MYO1H: variants seen among roughly 807,000 people sequenced by gnomAD.
The protein encoded by MYO1H is unconventional myosin-Ih.
In MYO1H, 118 loss-of-function variants were observed where a neutral mutation model predicts 149.3. That is an observed-to-expected ratio of 0.79 (90% confidence interval 0.68 to 0.92). The LOEUF is 0.92. MYO1H is among the 40% of genes least tolerant of loss of function. The probability of loss-of-function intolerance (pLI) is 0.00; values close to 1 mark genes in which losing one functional copy is unlikely to be tolerated. For missense variants in MYO1H, 1,212 were observed against 1,280.7 expected (o/e 0.95, Z 0.82); for synonymous variants, 447 against 465.2 (o/e 0.96, Z 0.50).
chr12:109,442,612 G>A (rs980847760), intron 27 of MYO1H, among the ~76,000 whole-genome samples: 7 of 152,138 alleles, frequency 4.6e-5, no homozygotes, highest in Non-Finnish European at 8.8e-5. Context: ...CACTTGCTTT[G>A]AACGTAGCAG....
chr12:109,441,058 G>A (rs889579635), intron 25 of MYO1H, among the ~76,000 whole-genome samples: 49 of 152,158 alleles, frequency 3.2e-4, no homozygotes, highest in African/African-American at 1.0e-3. Flanking sequence ...CAATCACAAC[G>A]GCTCCTGCCA....
chr12:109,416,579 G>T (rs1248121308), intron 15 of MYO1H, among the ~76,000 whole-genome samples: 2 of 152,098 alleles, frequency 1.3e-5, no homozygotes, highest in Non-Finnish European at 1.5e-5. Context: ...CACTTGGGTT[G>T]TTTATACCTT....
intron 1 of MYO1H, among the ~76,000 whole-genome samples, chr12:109,361,324 A>T (rs1301960629): frequency 6.6e-6 from 1 of 152,016 alleles, no homozygotes; most frequent in African/African-American, 2.4e-5. Flanking sequence ...TACCTCCTCC[A>T]CTTAACTCCC....
chr12:109,358,462 A>G (rs2137002398), intron 1 of MYO1H, among the ~76,000 whole-genome samples: 1 of 152,304 alleles, frequency 6.6e-6, no homozygotes, highest in Admixed American at 6.5e-5. Context: ...TCCAGATAAA[A>G]CAGGGCTTCT....
At chr12:109,358,416 C>CTA (rs1868657473) in intron 1 of MYO1H, among the ~76,000 whole-genome samples, 1 of 152,098 alleles carries the variant, frequency 6.6e-6, no homozygotes, top group African/African-American at 2.4e-5. Context: ...TTTGGTTCTG[C>CTA]TATTTCCCTG....
chr12:109,433,266 A>G (rs2135591506), intron 20 of MYO1H, among the ~76,000 whole-genome samples: 1 of 152,322 alleles, frequency 6.6e-6, no homozygotes, highest in Middle Eastern at 3.4e-3. Context: ...CCTCCTTGCT[A>G]GCAAAACAAA....
intron 1 of MYO1H, chr12:109,357,199 G>A (rs1042965998): frequency 6.6e-6 from 1 of 152,234 alleles, no homozygotes; most frequent in Admixed American, 6.5e-5. Context: ...GGTTTGGAAA[G>A]GTGATGTCTC....
chr12:109,326,046 A>G, the MYO1H span, among the ~76,000 whole-genome samples: 2 of 152,062 alleles, frequency 1.3e-5, no homozygotes, highest in Admixed American at 6.6e-5. Context: ...TATTGGGTAA[A>G]GGCCCTGTCT....
chr12:109,447,286 AGGCCC>A lies in MYO1H; in HGVS notation c.*106_*110del, dbSNP rs567686971. The A allele has an allele frequency of 7.0e-4, 705 of 1,010,436 alleles. 4 individuals are homozygous for A. In the South Asian group the frequency reaches 9.1e-3, roughly 13 times the overall value. The allele number at this position is 1,010,436 out of a possible 1,614,324, so 62.6% of individuals were successfully genotyped here. ...CAGTTAGCTACCTCTTCAAGGTACCAGGCCCGCAGCACTAACAGATCACATCTGAA... is the reference window on the plus strand; with the variant it reads ...CAGTTAGCTACCTCTTCAAGGTACCAGCAGCACTAACAGATCACATCTGAA... On this transcript the variant is annotated 3_prime_UTR_variant, in exon 32 of 32. Coordinates refer to ENST00000310903, the Ensembl canonical transcript of MYO1H.
intron 13 of MYO1H, among the ~76,000 whole-genome samples, 159 bp from the exon 14 acceptor site, chr12:109,411,735 A>G (rs7316486): frequency 0.34 from 50,631 of 147,822 alleles, 8,895 homozygotes; most frequent in Admixed American, 0.48. Context: ...AGCCAAACAC[A>G]TGGATTAAGC....
chr12:109,369,133 A>T (rs1298912769), intron 1 of MYO1H, among the ~76,000 whole-genome samples: 1 of 151,926 alleles, frequency 6.6e-6, no homozygotes, highest in Admixed American at 6.6e-5. Flanking sequence ...GATTACAGGC[A>T]TGTGCCACCA....
the MYO1H span, among the ~76,000 whole-genome samples, chr12:109,315,651 C>T: frequency 6.6e-6 from 1 of 152,226 alleles, no homozygotes; most frequent in Non-Finnish European, 1.5e-5. Flanking sequence ...TCAGCTGGGA[C>T]CAAGTGCAGC....
rs533984857 is a variant in MYO1H at position 109,358,115 on chromosome 12, T to G, written c.12+10143T>G. ...CTTTCTACTTAAGCATCCACTGATA[T>G]CTAGTATGTTCTTAGGTTTGGCTCG... On this transcript the variant is annotated intron_variant, in intron 1 of 31. Coordinates refer to ENST00000310903, the Ensembl canonical transcript of MYO1H. 3.3e-5 allele frequency among the ~76,000 whole-genome samples: 5 copies of G among 151,632 alleles called. No individual in the cohort carries two copies. In the South Asian group the frequency reaches 6.3e-4, roughly 19 times the overall value.
intron 1 of MYO1H, among the ~76,000 whole-genome samples, chr12:109,353,218 A>C (rs1482008344): frequency 6.6e-6 from 1 of 151,976 alleles, no homozygotes; most frequent in Non-Finnish European, 1.5e-5. Context: ...CAACACGGTG[A>C]AACTCCATCA....
At chr12:109,312,449 A>G in the MYO1H span, among the ~76,000 whole-genome samples, 11 of 151,830 alleles carry the variant, frequency 7.2e-5, no homozygotes, top group Non-Finnish European at 1.6e-4. Context: ...GTTAGCCAAG[A>G]TGGTCTCAAT....
intron 15 of MYO1H, among the ~76,000 whole-genome samples, chr12:109,417,072 G>A (rs1870944163): frequency 6.6e-6 from 1 of 151,988 alleles, no homozygotes; most frequent in Admixed American, 6.6e-5. Context: ...TTGGGAGGCC[G>A]AGGCAGGAGA....
In MYO1H at chr12:109,443,302, A is replaced by G. The variant is rs533084448; in HGVS notation, c.2689-212A>G. Among the ~76,000 whole-genome samples, 338 of 127,722 alleles carry G rather than the reference A, an allele frequency of 2.6e-3. 48 individuals are homozygous for G. Among genetic ancestry groups the G allele is most frequent in the African/African-American group, 0.01 (258 of 24,808 alleles). The allele number at this position is 127,722 out of a possible 152,430, so 83.8% of individuals were successfully genotyped here. On this transcript the variant is annotated intron_variant, in intron 27 of 31. Coordinates refer to ENST00000310903, the Ensembl canonical transcript of MYO1H. ...TATGTGTACGTATATATGTGTGTAT[A>G]TATGTGTACGTATATATGTGTGTAT...
At chr12:109,342,892 A>G in the MYO1H span, among the ~76,000 whole-genome samples, 2 of 151,938 alleles carry the variant, frequency 1.3e-5, no homozygotes, top group Admixed American at 6.6e-5. Flanking sequence ...CCTCTTCCCA[A>G]ATATTTTTAT....
At chr12:109,444,862 T>C (rs1271390112) in intron 30 of MYO1H, among the ~76,000 whole-genome samples, 1 of 143,430 alleles carries the variant, frequency 7.0e-6, no homozygotes, top group Admixed American at 7.2e-5. Context: ...AGATAGACAA[T>C]GTCTCAAAAA....
Sources: allele counts gnomAD v4.1 joint callset (sites outside exome capture counted in the v4.1 genomes callset), GRCh38; gene constraint gnomAD v4.1.1; transcripts MANE v1.5; gene names NCBI Gene and HGNC (gene_info 2026-07-23, HGNC 2026-07-21).